CSMD2: variants seen among roughly 807,000 people sequenced by gnomAD.
CSMD2 encodes CUB and Sushi multiple domains 2.
In CSMD2, 130 loss-of-function variants were observed where a neutral mutation model predicts 398.5. The observed-to-expected ratio is 0.33, with a 90% confidence interval of 0.28 to 0.38. The LOEUF (loss-of-function observed/expected upper bound fraction) is 0.38. Ranked by LOEUF, CSMD2 falls within the 10% of genes least tolerant of loss-of-function variation. CSMD2 has a pLI of 1.00. For missense variants in CSMD2, 3,829 were observed against 4,764.9 expected (o/e 0.80, Z 5.78); for synonymous variants, 1,828 against 1,908.5 (o/e 0.96, Z 1.10).
chr1:33,693,177 T>C (rs1234279019), intron 24 of CSMD2, 121 bp from the exon 25 acceptor site: 14 of 1,162,486 alleles, frequency 1.2e-5, no homozygotes, highest in African/African-American at 7.9e-5. Flanking sequence ...TTTCAAGTGA[T>C]TGAGCACAGC....
chr1:33,996,527 C>A (rs1646731452), intron 3 of CSMD2, among the ~76,000 whole-genome samples: 1 of 152,122 alleles, frequency 6.6e-6, no homozygotes, highest in Non-Finnish European at 1.5e-5. Flanking sequence ...GAGGACTGAG[C>A]CAAGCCCTGA....
At chr1:33,965,343 C>G (rs1406547471) in intron 3 of CSMD2, among the ~76,000 whole-genome samples, 1 of 152,142 alleles carries the variant, frequency 6.6e-6, no homozygotes, top group Non-Finnish European at 1.5e-5. Context: ...ATTTCACTGT[C>G]TGGCTCTGAA....
rs1042581701 is a variant in CSMD2 at position 33,518,490 on chromosome 1, G to A, written c.*53+975C>T. The stretch of plus-strand genomic sequence containing the variant: ...TCCCCTCTGTTGTGCTCAATGTGGG[G>A]AATTTTGTAAGTAAACCTGCCTAGG... On this transcript the variant is annotated intron_variant, in intron 70 of 70. Coordinates refer to ENST00000373381, the MANE Select transcript of CSMD2 (RefSeq NM_001281956.2). This position sits in a 1 kb window ranked among gnomAD's most constrained non-coding sequence, Gnocchi z 4.3. Among the ~76,000 whole-genome samples, 1 of 152,138 alleles carries A rather than the reference G, an allele frequency of 6.6e-6. No individual in the cohort carries two copies. The highest frequency in any genetic ancestry group is 2.4e-5 in the African/African-American group (1 of 41,420).
Position 33,616,963 on chromosome 1 carries a change from T to G in CSMD2, c.5959A>C (p.Ile1987Leu). The change falls in exon 39 of 71, where the codon ATC (isoleucine) becomes CTC (leucine). Residue 1987 changes from isoleucine to leucine, a missense_variant. Physicochemically the swap from Ile to Leu is conservative, Grantham distance 5. Coordinates refer to ENST00000373381, the MANE Select transcript of CSMD2 (RefSeq NM_001281956.2). ...CGCACTGTTCCGGGCATGCAGGAGA[T>G]GTGGGCGTGGCCCTGGAGGAATCAG... ...PGYALQGHAH[I>L]SCMPGTVRRW... The G allele has an allele frequency of 6.2e-7, 1 of 1,614,086 alleles. No homozygotes were observed. Among genetic ancestry groups the G allele is most frequent in the East Asian group, 2.2e-5 (1 of 44,874 alleles).
intron 5 of CSMD2, among the ~76,000 whole-genome samples, chr1:33,898,804 C>A (rs181198004): frequency 6.6e-6 from 1 of 152,158 alleles, no homozygotes; most frequent in Admixed American, 6.5e-5. Flanking sequence ...AAGATGGAGG[C>A]CACGTCAGCG....
At chr1:34,040,724 C>T (rs144130321) in intron 2 of CSMD2, among the ~76,000 whole-genome samples, 1 of 152,248 alleles carries the variant, frequency 6.6e-6, no homozygotes, top group African/African-American at 2.4e-5. Context: ...CCCTTCACAC[C>T]CATGAAATGA....
At chr1:34,070,602 G>C (rs941324169) in intron 2 of CSMD2, among the ~76,000 whole-genome samples, 1 of 152,214 alleles carries the variant, frequency 6.6e-6, no homozygotes, top group African/African-American at 2.4e-5. Flanking sequence ...GAATTGAGAG[G>C]AGTAACACTG....
intron 13 of CSMD2, chr1:33,772,364 C>T (rs578033883): frequency 1.9e-6 from 1 of 525,706 alleles, no homozygotes; most frequent in African/African-American, 1.9e-5. Context: ...ATGTCAGGAG[C>T]ACTTGTTCTC....
At chr1:33,989,169 A>G (rs1201558005) in intron 3 of CSMD2, among the ~76,000 whole-genome samples, 2 of 150,948 alleles carry the variant, frequency 1.3e-5, no homozygotes, top group Admixed American at 1.3e-4. Flanking sequence ...AAGACAAATA[A>G]TTCAATTTAA....
At chr1:33,521,111 A>C (rs1654237245) in intron 68 of CSMD2, among the ~76,000 whole-genome samples, 2 of 152,134 alleles carry the variant, frequency 1.3e-5, no homozygotes, top group South Asian at 4.1e-4. Flanking sequence ...GAGCTCTAAG[A>C]CACTCCACAG....
chr1:33,681,282 T>C (rs1177405811), intron 25 of CSMD2, among the ~76,000 whole-genome samples: 13 of 152,170 alleles, frequency 8.5e-5, no homozygotes, highest in Admixed American at 7.2e-4. Context: ...TTCCTTAGTT[T>C]GTAAGTTTTC....
intron 2 of CSMD2, among the ~76,000 whole-genome samples, chr1:34,085,478 G>A (rs1233606248): frequency 6.6e-6 from 1 of 151,984 alleles, no homozygotes; most frequent in Admixed American, 6.6e-5. Context: ...TTCTTTTGGT[G>A]GGGGGAATAT....
intron 32 of CSMD2, among the ~76,000 whole-genome samples, chr1:33,632,853 TTACA>T (rs1249732463): frequency 6.6e-6 from 1 of 152,224 alleles, no homozygotes; most frequent in Non-Finnish European, 1.5e-5. Context: ...AGGGAATTCG[TTACA>T]TAAATTTTAA....
At chr1:34,072,349 C>A (rs546614298) in intron 2 of CSMD2, among the ~76,000 whole-genome samples, 1 of 152,286 alleles carries the variant, frequency 6.6e-6, no homozygotes, top group Admixed American at 6.5e-5. Context: ...CCTGCCTCCA[C>A]CCTGCAGACA....
At chr1:33,602,610 C>T (rs1640304677) in intron 42 of CSMD2, 64 bp from the exon 43 acceptor site, 1 of 1,342,330 alleles carries the variant, frequency 7.4e-7, no homozygotes, top group Admixed American at 2.9e-5. Context: ...ATTCAGATGC[C>T]TTCCTGAGGA....
At chr1:34,126,117 G>A (rs1224358230) in intron 1 of CSMD2, among the ~76,000 whole-genome samples, 1 of 152,178 alleles carries the variant, frequency 6.6e-6, no homozygotes, top group Non-Finnish European at 1.5e-5. Context: ...GCAGTAGCTG[G>A]GTTGGAGACA....
At chr1:33,830,979 C>G (rs7517519) in intron 6 of CSMD2, among the ~76,000 whole-genome samples, 1 of 151,630 alleles carries the variant, frequency 6.6e-6, no homozygotes, top group Admixed American at 6.6e-5. Flanking sequence ...TAAAAAGAAA[C>G]GAACAAAGAT....
At chr1:33,969,182 C>T (rs1645666533) in intron 3 of CSMD2, among the ~76,000 whole-genome samples, 3 of 152,224 alleles carry the variant, frequency 2.0e-5, no homozygotes, top group African/African-American at 4.8e-5. Flanking sequence ...GGCAGCTGCT[C>T]TGAATTGAAA....
chr1:34,021,575 G>A (rs1185839338), intron 3 of CSMD2, among the ~76,000 whole-genome samples: 1 of 152,186 alleles, frequency 6.6e-6, no homozygotes, highest in Non-Finnish European at 1.5e-5. Flanking sequence ...GCACGGTTAT[G>A]GGAGGCAGGG....
Sources: gnomAD v4.1 joint callset for allele counts (sites outside exome capture counted in the v4.1 genomes callset) on GRCh38, gnomAD v4.1.1 for gene constraint, Gnocchi (gnomAD v3.1) non-coding constraint, MANE v1.5 for transcripts, NCBI Gene and HGNC (gene_info 2026-07-23, HGNC 2026-07-21) for gene names.